The following TRIO variants were observed in gnomAD, a reference collection of about 807,000 sequenced individuals.
The protein encoded by TRIO is triple functional domain protein.
In TRIO, 58 loss-of-function variants were observed where a neutral mutation model predicts 351.9. That is an observed-to-expected ratio of 0.16 (90% confidence interval 0.13 to 0.21). The LOEUF (loss-of-function observed/expected upper bound fraction) is 0.21, where lower values mean the gene tolerates loss of function less well. TRIO is among the 10% of genes least tolerant of loss of function. TRIO has a pLI of 1.00. For synonymous variants in TRIO, 1,758 were observed against 1,595.7 expected (o/e 1.10, Z -2.42); for missense variants, 3,201 against 4,027.8 (o/e 0.79, Z 5.56).
intron 38 of TRIO, 95 bp from the exon 39 acceptor site, chr5:14,472,497 A>C (rs188896371): frequency 7.9e-7 from 1 of 1,259,204 alleles, no homozygotes; most frequent in African/African-American, 1.5e-5. Context: ...ATTACTATTC[A>C]GTCCTGGAAG....
intron 35 of TRIO, 87 bp downstream of exon 35, chr5:14,461,398 C>T (rs1753799880): frequency 1.4e-6 from 2 of 1,412,902 alleles, no homozygotes; most frequent in Admixed American, 2.9e-5. Flanking sequence ...TATGAGTAAA[C>T]TGGTTTGGTT....
intron 1 of TRIO, among the ~76,000 whole-genome samples, chr5:14,196,555 A>G (rs1021689649): frequency 6.6e-6 from 1 of 152,156 alleles, no homozygotes; most frequent in African/African-American, 2.4e-5. Flanking sequence ...TCATATGTGA[A>G]ATGGAGCACT....
chr5:14,233,907 C>T (rs560727629), intron 1 of TRIO, among the ~76,000 whole-genome samples: 2 of 152,246 alleles, frequency 1.3e-5, no homozygotes, highest in African/African-American at 4.8e-5. Flanking sequence ...TCTTTCACCT[C>T]AGCCTCCTGA....
chr5:14,414,966 T>A (rs1749521557), intron 33 of TRIO, among the ~76,000 whole-genome samples: 1 of 152,306 alleles, frequency 6.6e-6, no homozygotes. Flanking sequence ...AGTTACCCTT[T>A]TTTGTAACCA....
At position 14,461,167 on chromosome 5, in the gene TRIO, C is replaced by T. The variant is rs1579723844; in HGVS notation, c.5352C>T (p.Leu1784=). The T allele has an allele frequency of 1.3e-5, 20 of 1,558,148 alleles. No homozygotes were observed. Among genetic ancestry groups the T allele is most frequent in the Admixed American group, 1.9e-5 (1 of 51,914 alleles). The change falls in exon 35 of 57, where the codon CTC becomes CTT. Residue 1784 remains leucine, a synonymous_variant. Transcript: ENST00000344204. ...RKWLTSPVRR[L]SSGKADGHVK... is the part of the protein sequence containing the mutation. ...GGCTCACCAGCCCCGTGCGGCGGCT[C>T]AGCAGCGGCAAGGCCGACGGGCACG...
At chr5:14,292,778 T>G (rs2152286507) in intron 5 of TRIO, among the ~76,000 whole-genome samples, 1 of 152,352 alleles carries the variant, frequency 6.6e-6, no homozygotes, top group Non-Finnish European at 1.5e-5. Flanking sequence ...CTTATCTGCT[T>G]CTTAATTCCT....
intron 9 of TRIO, among the ~76,000 whole-genome samples, chr5:14,322,488 A>G (rs544461289): frequency 6.6e-6 from 1 of 152,380 alleles, no homozygotes; most frequent in Non-Finnish European, 1.5e-5. Context: ...AAGTTGGCAT[A>G]TGCCTAAGAG....
At chr5:14,470,167 T>C (rs1754581235) in intron 37 of TRIO, among the ~76,000 whole-genome samples, 1 of 152,244 alleles carries the variant, frequency 6.6e-6, no homozygotes, top group African/African-American at 2.4e-5. Flanking sequence ...AGATCAGCAG[T>C]TGGTGTGTTT....
chr5:14,494,714 T>C (rs868074935), intron 49 of TRIO, among the ~76,000 whole-genome samples: 1 of 151,992 alleles, frequency 6.6e-6, no homozygotes, highest in South Asian at 2.1e-4. Flanking sequence ...GCCTGACAAG[T>C]ATGGTGAAAC....
At chr5:14,144,593 G>A (rs1787382827) in intron 1 of TRIO, among the ~76,000 whole-genome samples, 1 of 152,108 alleles carries the variant, frequency 6.6e-6, no homozygotes, top group Admixed American at 6.5e-5. Flanking sequence ...CGGGGGGGCG[G>A]CGCGGGGCTG....
chr5:14,300,455 G>A (rs1447098319), intron 7 of TRIO, among the ~76,000 whole-genome samples: 1 of 152,206 alleles, frequency 6.6e-6, no homozygotes, highest in African/African-American at 2.4e-5. Context: ...AATGGCTGCT[G>A]TAATTGACAG....
intron 49 of TRIO, among the ~76,000 whole-genome samples, chr5:14,495,963 G>A (rs564369114): frequency 1.6e-4 from 24 of 152,188 alleles, no homozygotes; most frequent in African/African-American, 4.3e-4. Flanking sequence ...GCAAGACTCC[G>A]TCTCAGAGAA....
At chr5:14,250,663 A>G (rs1299015275) in intron 1 of TRIO, among the ~76,000 whole-genome samples, 1 of 152,150 alleles carries the variant, frequency 6.6e-6, no homozygotes, top group Non-Finnish European at 1.5e-5. Context: ...AGAGGGATGG[A>G]GAGGCTGTAC....
rs1756040774 is a variant in TRIO at position 14,487,577 on chromosome 5, G to A, written c.6949G>A (p.Gly2317Ser). Residue 2317 changes from glycine to serine, a missense_variant, in exon 48 of 57, where the codon GGC becomes AGC. Gly to Ser is a moderately conservative substitution (Grantham distance 56, BLOSUM62 0). Coordinates refer to ENST00000344204, the MANE Select transcript of TRIO (RefSeq NM_007118.4). ...GSGGGGAPSG[G>S]SGHSGGPSSC... ...CGGCGGCGGCGGGGCCCCCAGTGGCGGCAGCGGCCACAGTGGCGGCCCCAG... is the reference window on the plus strand; with the variant it reads ...CGGCGGCGGCGGGGCCCCCAGTGGCAGCAGCGGCCACAGTGGCGGCCCCAG... 1 of 1,134,320 alleles carries A rather than the reference G, an allele frequency of 8.8e-7. No homozygotes were observed. The allele number at this position is 1,134,320 out of a possible 1,614,324, so 70.3% of individuals were successfully genotyped here.
intron 31 of TRIO, among the ~76,000 whole-genome samples, chr5:14,401,397 C>T (rs1748053722): frequency 6.6e-6 from 1 of 152,152 alleles, no homozygotes; most frequent in African/African-American, 2.4e-5. Context: ...GAGATACTGA[C>T]CAAAAACTCT....
At chr5:14,373,737 G>A (rs1745320231) in intron 18 of TRIO, among the ~76,000 whole-genome samples, 1 of 152,228 alleles carries the variant, frequency 6.6e-6, no homozygotes, top group Non-Finnish European at 1.5e-5. Flanking sequence ...CCTGTCACCT[G>A]TGGCTGCTTT....
intron 1 of TRIO, among the ~76,000 whole-genome samples, chr5:14,255,753 TTTTGATGTGC>T (rs1237450923): frequency 6.6e-6 from 1 of 152,160 alleles, no homozygotes; most frequent in East Asian, 1.9e-4. Flanking sequence ...GTACATAAAG[TTTTGATGTGC>T]TTTGATTGAG....
Position 14,364,794 on chromosome 5 carries a change from A to G in TRIO, c.2732A>G (p.His911Arg), listed in dbSNP as rs1420870813. ...CTGGAGCAGTGCGTGCAGCTGCGCC[A>G]CCTGCAGGCAGAAGTGAAACAGGTG... ...KHLEQCVQLR[H>R]LQAEVKQVLG... is the part of the protein sequence containing the mutation. The change falls in exon 15 of 57, where the codon CAC (histidine) becomes CGC (arginine). Residue 911 changes from histidine to arginine, a missense_variant. Physicochemically the swap from His to Arg is conservative, Grantham distance 29. This residue lies in a region of TRIO where 363 missense variants were observed against 553.5 expected (regional missense o/e 0.66). Transcript: ENST00000344204. 4.3e-6 allele frequency: 7 copies of G among 1,610,820 alleles called. No individual in the cohort carries two copies. The highest frequency in any genetic ancestry group is 5.9e-6 in the Non-Finnish European group (7 of 1,179,232).
At chr5:14,243,329 T>A (rs961021813) in intron 1 of TRIO, among the ~76,000 whole-genome samples, 11 of 152,024 alleles carry the variant, frequency 7.2e-5, no homozygotes, top group African/African-American at 2.7e-4. Flanking sequence ...TTTTTTTTTT[T>A]AAGTTAGATT....
Sources: gnomAD v4.1 joint callset for allele counts (sites outside exome capture counted in the v4.1 genomes callset) on GRCh38, gnomAD v4.1.1 for gene constraint, gnomAD v4.1.1 regional missense constraint, MANE v1.5 for transcripts, NCBI Gene and HGNC (gene_info 2026-07-23, HGNC 2026-07-21) for gene names.